LARP1: variants seen among roughly 807,000 people sequenced by gnomAD.
LARP1 encodes the protein La ribonucleoprotein 1, translational regulator, also known as la-related protein 1.
LARP1 carries 36 observed loss-of-function variants against 122.7 expected under a neutral mutation model. The observed-to-expected ratio is 0.29, with a 90% CI of 0.22 to 0.39. The LOEUF is 0.39. LARP1 is among the 10% of genes least tolerant of loss of function. LARP1 has a pLI of 1.00. For missense variants in LARP1, 1,040 were observed against 1,403.6 expected (o/e 0.74, Z 4.14); for synonymous variants, 539 against 528.7 (o/e 1.02, Z -0.27).
chr5:154,751,413 C>T (rs1753481702), upstream of LARP1, among the ~76,000 whole-genome samples: 1 of 152,190 alleles, frequency 6.6e-6, no homozygotes, highest in East Asian at 1.9e-4. Flanking sequence ...GAAATAATAA[C>T]TATCCCACTG....
chr5:154,755,917 C>T lies in LARP1; in HGVS notation c.160C>T (p.Arg54Trp). 3.0e-6 allele frequency: 3 copies of T among 1,004,480 alleles called. No homozygotes were observed. The highest frequency in any genetic ancestry group is 3.6e-6 in the Non-Finnish European group (3 of 841,724). 62.2% of individuals were successfully genotyped at this position (1,004,480 alleles called of 1,614,324 possible). A position where few individuals can be genotyped will look rare whatever the true frequency, so the allele number is the denominator to read the frequency against. Residue 54 changes from arginine to tryptophan, a missense_variant, in exon 1 of 19, where the codon CGG (arginine) becomes TGG (tryptophan). By Grantham distance (101) the Arg-to-Trp change is moderately radical. This residue lies in a region of LARP1 where 257 missense variants were observed against 273.3 expected (regional missense o/e 0.94). Transcript: ENST00000518297. ...CGGGGGGGAGCCGGACGGCAGCGCT[C>T]GGAGACCCCGGCCGCCCTGCGCCAA... ...VRGGEPDGSA[R>W]RPRPPCAKPH...
chr5:154,691,772 C>T (rs1459915001), intron 1 of LARP1, among the ~76,000 whole-genome samples: 1 of 151,358 alleles, frequency 6.6e-6, no homozygotes, highest in African/African-American at 2.4e-5. Flanking sequence ...TGAGCGTTGT[C>T]AGGCACAGCC....
chr5:154,723,015 CA>C (rs1254887574), intron 1 of LARP1, among the ~76,000 whole-genome samples: 2 of 152,104 alleles, frequency 1.3e-5, no homozygotes, highest in Non-Finnish European at 2.9e-5. Context: ...CTGCTTCAGA[CA>C]AAAAAGTAAA....
chr5:154,810,675 T>TG (rs1327696924), intron 16 of LARP1, among the ~76,000 whole-genome samples: 1 of 151,832 alleles, frequency 6.6e-6, no homozygotes, highest in Non-Finnish European at 1.5e-5. Context: ...TTGGTAGAGA[T>TG]GGGGTTTCAC....
At chr5:154,799,455 A>G (rs1207250383) in intron 8 of LARP1, 136 bp from the exon 9 acceptor site, 31 of 823,628 alleles carry the variant, frequency 3.8e-5, no homozygotes, top group Non-Finnish European at 5.9e-5. Flanking sequence ...GTCGTGGAAG[A>G]TGGTGTCAAT....
upstream of LARP1, among the ~76,000 whole-genome samples, chr5:154,752,129 G>A (rs1248691139): frequency 6.6e-6 from 1 of 152,160 alleles, no homozygotes; most frequent in African/African-American, 2.4e-5. Context: ...TTATTTTAAT[G>A]TAGAAAAAAC....
chr5:154,756,237 G>C, intron 1 of LARP1, 44 bp downstream of exon 1: 1 of 1,182,998 alleles, frequency 8.5e-7, no homozygotes, highest in Non-Finnish European at 1.1e-6. Context: ...GGCCTCTTCC[G>C]GGGACATGGG....
Position 154,815,128 on chromosome 5 carries a change from C to T in LARP1, c.*1032C>T, listed in dbSNP as rs905953122. On this transcript the variant is annotated 3_prime_UTR_variant, in exon 19 of 19. Transcript: ENST00000518297. Reference sequence around the variant, plus strand: ...TGGGCTTGGACTGGCTAGAATCTTTCTCTGGACTGTTGCATGTACAGTGCC... The same window carrying T: ...TGGGCTTGGACTGGCTAGAATCTTTTTCTGGACTGTTGCATGTACAGTGCC... 1.3e-5 allele frequency: 2 copies of T among 152,578 alleles called. No homozygotes were observed. The highest frequency in any genetic ancestry group is 2.4e-5 in the African/African-American group (1 of 41,428). 9.5% of individuals were successfully genotyped at this position (152,578 alleles called of 1,614,324 possible).
chr5:154,794,400 T>TTTA, intron 7 of LARP1, 138 bp downstream of exon 7: 1 of 769,334 alleles, frequency 1.3e-6, no homozygotes, highest in South Asian at 2.1e-5. Flanking sequence ...TTTCTCATTG[T>TTTA]TTATTAAAGA....
At chr5:154,759,757 C>T (rs1754292715) in intron 1 of LARP1, among the ~76,000 whole-genome samples, 1 of 152,042 alleles carries the variant, frequency 6.6e-6, no homozygotes, top group Admixed American at 6.6e-5. Flanking sequence ...GGAAACTGTA[C>T]TTCAGGTACC....
In LARP1 at chr5:154,755,868, C is replaced by G; in HGVS notation, c.111C>G (p.Gly37=). ...KKPPPAPEGK[G]EPGPNDVRGG... ...CGCCGCCGGCGCCCGAGGGCAAGGG[C>G]GAGCCCGGGCCAAACGACGTCCGCG... The change falls in exon 1 of 19, where the codon GGC becomes GGG. Residue 37 remains glycine (G), a synonymous_variant. Transcript: ENST00000518297. 2.0e-6 allele frequency: 2 copies of G among 1,012,326 alleles called. No homozygotes were observed. Among genetic ancestry groups the G allele is most frequent in the Non-Finnish European group, 2.4e-6 (2 of 845,774 alleles). 62.7% of individuals were successfully genotyped at this position (1,012,326 alleles called of 1,614,324 possible). A position where few individuals can be genotyped will look rare whatever the true frequency, so the allele number is the denominator to read the frequency against.
intron 1 of LARP1, among the ~76,000 whole-genome samples, chr5:154,689,792 T>C (rs1754105984): frequency 6.6e-6 from 1 of 151,988 alleles, no homozygotes; most frequent in Non-Finnish European, 1.5e-5. Context: ...AATGGAGTGA[T>C]TGGGCCTGGC....
intron 1 of LARP1, among the ~76,000 whole-genome samples, chr5:154,748,471 T>C (rs1256761167): frequency 6.6e-6 from 1 of 152,166 alleles, no homozygotes; most frequent in Non-Finnish European, 1.5e-5. Context: ...AATATATGTT[T>C]TAGGAAAACT....
intron 1 of LARP1, among the ~76,000 whole-genome samples, chr5:154,788,554 G>A (rs1757070822): frequency 2.0e-5 from 3 of 152,248 alleles, no homozygotes; most frequent in South Asian, 2.1e-4. Flanking sequence ...GGCAGCTCTC[G>A]CCCTGGCATG....
chr5:154,773,319 G>C (rs1373441925), intron 1 of LARP1, among the ~76,000 whole-genome samples: 1 of 152,112 alleles, frequency 6.6e-6, no homozygotes. Context: ...CTTTCAAGGG[G>C]ACTTAATCTT....
At chr5:154,740,601 C>T (rs748717079) in intron 1 of LARP1, among the ~76,000 whole-genome samples, 26 of 152,272 alleles carry the variant, frequency 1.7e-4, no homozygotes, top group African/African-American at 2.9e-4. Context: ...ACAGCAAGTC[C>T]GCTGCAGAGC....
chr5:154,688,229 C>T (rs1754026809), intron 1 of LARP1, among the ~76,000 whole-genome samples: 3 of 152,078 alleles, frequency 2.0e-5, no homozygotes, highest in South Asian at 2.1e-4. Flanking sequence ...CAGTCTCATC[C>T]GGGGAGGGGG....
intron 3 of LARP1, among the ~76,000 whole-genome samples, chr5:154,791,389 T>C (rs1296132737): frequency 6.6e-6 from 1 of 151,918 alleles, no homozygotes; most frequent in East Asian, 1.9e-4. Flanking sequence ...AATTTTTGTA[T>C]ATTTTAGAGA....
Position 154,799,911 on chromosome 5 carries a change from C to G in LARP1, c.1585C>G (p.Pro529Ala), listed in dbSNP as rs1166843936. ...CTCTCCTCGTGCAGTCACCCCAGTG[C>G]CAACCAAAACAGAGGAGGTCAGCAA... ...PGSPRAVTPV[P>A]TKTEEVSNLK... The change falls in exon 10 of 19, where the codon CCA (proline) becomes GCA (alanine). Residue 529 changes from proline to alanine, a missense_variant. This residue lies in a region of LARP1 where 362 missense variants were observed against 533.1 expected (regional missense o/e 0.68). Transcript: ENST00000518297. 1.2e-6 allele frequency: 2 copies of G among 1,614,154 alleles called. No homozygotes were observed. The highest frequency in any genetic ancestry group is 1.7e-5 in the Admixed American group (1 of 60,010).
Sources: gnomAD v4.1 joint callset for allele counts (sites outside exome capture counted in the v4.1 genomes callset) on GRCh38, gnomAD v4.1.1 for gene constraint, gnomAD v4.1.1 regional missense constraint, MANE v1.5 for transcripts, NCBI Gene and HGNC (gene_info 2026-07-23, HGNC 2026-07-21) for gene names.